The following NUBPL variants were observed in gnomAD, a reference collection of about 807,000 sequenced individuals.
NUBPL encodes iron-sulfur cluster transfer protein NUBPL.
In NUBPL, 31 loss-of-function variants were observed where a neutral mutation model predicts 45.7. The ratio of observed to expected loss-of-function variants is 0.68; its 90% CI spans 0.51 to 0.92. The LOEUF is 0.92. Among genes scored for constraint, NUBPL ranks in the 40% least tolerant of loss-of-function variants. NUBPL has a pLI of 0.00. For missense variants in NUBPL, 401 were observed against 398.7 expected (o/e 1.01, Z -0.05); for synonymous variants, 144 against 140.9 (o/e 1.02, Z -0.15).
At position 31,841,917 on chromosome 14, in the gene NUBPL, CTT is replaced by C. The variant is rs547795007; in HGVS notation, c.694-4524_694-4523del. On this transcript the variant is annotated intron_variant, in intron 8 of 10. Coordinates refer to ENST00000281081, the MANE Select transcript of NUBPL (RefSeq NM_025152.3). ...CTTTCATGTATGGGTCGATTCTGGG[CTT>C]TTTTTTTTTTTTTTTTTTTTTTTTT... Among the ~76,000 whole-genome samples, 102 of 43,048 alleles carry C rather than the reference CTT, an allele frequency of 2.4e-3. 13 individuals carry two copies. Among genetic ancestry groups the C allele is most frequent in the Admixed American group, 4.5e-3 (14 of 3,114 alleles). The allele number at this position is 43,048 out of a possible 152,430, so 28.2% of individuals were successfully genotyped here.
intron 3 of NUBPL, among the ~76,000 whole-genome samples, chr14:31,591,870 C>G (rs2034151540): frequency 6.6e-6 from 1 of 152,090 alleles, no homozygotes. Context: ...AGTTTATTTA[C>G]TTACCCATTT....
At chr14:31,596,983 T>C (rs1053169343) in intron 3 of NUBPL, among the ~76,000 whole-genome samples, 3 of 152,202 alleles carry the variant, frequency 2.0e-5, no homozygotes, top group Admixed American at 6.5e-5. Flanking sequence ...TTCTGATTTG[T>C]CCATAGGGCT....
chr14:31,652,263 G>C (rs2036027227), intron 4 of NUBPL, among the ~76,000 whole-genome samples: 2 of 152,158 alleles, frequency 1.3e-5, no homozygotes, highest in Admixed American at 1.3e-4. Context: ...CAGAGAATTA[G>C]AGAGTTGAAT....
chr14:31,774,235 T>A (rs2039059846), intron 6 of NUBPL, among the ~76,000 whole-genome samples: 1 of 152,240 alleles, frequency 6.6e-6, no homozygotes, highest in Non-Finnish European at 1.5e-5. Context: ...GCTGGGATAT[T>A]CTGCCATTGC....
chr14:31,752,652 T>A (rs1390446512), intron 6 of NUBPL, among the ~76,000 whole-genome samples: 1 of 152,218 alleles, frequency 6.6e-6, no homozygotes, highest in African/African-American at 2.4e-5. Context: ...TCTTCTGCAC[T>A]CTCCAAACTG....
chr14:31,598,040 C>T lies in NUBPL; in HGVS notation c.292-1249C>T, dbSNP rs553654601. 1.6e-4 allele frequency among the ~76,000 whole-genome samples: 25 copies of T among 152,196 alleles called. 1 individual carries two copies. The highest frequency in any genetic ancestry group is 5.1e-4 in the African/African-American group (21 of 41,550). On this transcript the variant is annotated intron_variant, in intron 3 of 10. Coordinates refer to ENST00000281081, the MANE Select transcript of NUBPL (RefSeq NM_025152.3). Reference sequence around the variant, plus strand: ...ATGCATTAAGCTTAAATTTTATATACCACCATTCTATGAAAAATCAAGTAT... The same window carrying T: ...ATGCATTAAGCTTAAATTTTATATATCACCATTCTATGAAAAATCAAGTAT...
At chr14:31,619,606 T>C (rs1322593401) in intron 4 of NUBPL, among the ~76,000 whole-genome samples, 1 of 152,212 alleles carries the variant, frequency 6.6e-6, no homozygotes. Context: ...ATGTTGAACA[T>C]TGGCCTCCAC....
chr14:31,610,934 A>G (rs549805136), intron 4 of NUBPL, among the ~76,000 whole-genome samples: 5 of 152,316 alleles, frequency 3.3e-5, no homozygotes, highest in African/African-American at 1.2e-4. Context: ...ATACCTCAAC[A>G]TAATAAACAG....
intron 3 of NUBPL, among the ~76,000 whole-genome samples, chr14:31,592,138 C>T (rs1273527409): frequency 6.6e-6 from 1 of 152,068 alleles, no homozygotes; most frequent in Non-Finnish European, 1.5e-5. Context: ...GTGTGACTAT[C>T]TGAGGGAAGA....
At chr14:31,566,226 C>T (rs574326997) in intron 3 of NUBPL, among the ~76,000 whole-genome samples, 2 of 151,978 alleles carry the variant, frequency 1.3e-5, no homozygotes, top group Admixed American at 6.6e-5. Context: ...CAGAATCTGC[C>T]AGATCCTGGA....
At chr14:31,564,533 G>A (rs982670069) in intron 2 of NUBPL, among the ~76,000 whole-genome samples, 8 of 148,216 alleles carry the variant, frequency 5.4e-5, no homozygotes, top group Admixed American at 2.7e-4. Context: ...AAAAAAATGA[G>A]CTGGGTGTGG....
At chr14:31,808,904 T>G (rs12880119) in intron 7 of NUBPL, among the ~76,000 whole-genome samples, 50,257 of 152,084 alleles carry the variant, frequency 0.33, 9,618 homozygotes, top group South Asian at 0.44. Context: ...GTTCTGTTTA[T>G]GTGATGGATT....
intron 2 of NUBPL, among the ~76,000 whole-genome samples, chr14:31,563,712 G>A (rs947443655): frequency 1.3e-5 from 2 of 152,158 alleles, no homozygotes; most frequent in Non-Finnish European, 2.9e-5. Context: ...TTTGACTAAT[G>A]CAAATATGCT....
In NUBPL at chr14:31,624,710, G is replaced by A. The variant is rs561244640; in HGVS notation, c.382+25331G>A. Among the ~76,000 whole-genome samples, 27 of 152,114 alleles carry A rather than the reference G, an allele frequency of 1.8e-4. No individual in the cohort carries two copies. The South Asian group carries it at 5.2e-3, about 29-fold the overall frequency. ...CTCCCGAGTAGCTTGGATTACAGGC[G>A]CCTGCCACCATGCCCAGCTAATTTT... On this transcript the variant is annotated intron_variant, in intron 4 of 10. Transcript: ENST00000281081.
intron 6 of NUBPL, among the ~76,000 whole-genome samples, chr14:31,769,790 T>TC (rs943287767): frequency 2.0e-5 from 3 of 152,282 alleles, no homozygotes; most frequent in African/African-American, 7.2e-5. Context: ...TATTTTTTTT[T>TC]CAGTAGTTGG....
chr14:31,781,829 C>G (rs752861163), intron 6 of NUBPL, among the ~76,000 whole-genome samples: 10 of 152,120 alleles, frequency 6.6e-5, no homozygotes, highest in Non-Finnish European at 1.5e-4. Flanking sequence ...CTACCTTTCC[C>G]TATAATTCTC....
chr14:31,649,139 A>G (rs1415058232), intron 4 of NUBPL, among the ~76,000 whole-genome samples: 2 of 152,156 alleles, frequency 1.3e-5, no homozygotes, highest in Non-Finnish European at 1.5e-5. Flanking sequence ...TCACTGTTAC[A>G]CAATACTTAG....
chr14:31,673,350 T>C lies in NUBPL; in HGVS notation c.383-5T>C, dbSNP rs1398576583. 8.8e-6 allele frequency: 14 copies of C among 1,599,832 alleles called. No homozygotes were observed. The highest frequency in any genetic ancestry group is 2.3e-5 in the South Asian group (2 of 88,750). On this transcript the variant is annotated splice_region_variant and splice_polypyrimidine_tract_variant and intron_variant, in intron 4 of 10. Coordinates refer to ENST00000281081, the MANE Select transcript of NUBPL (RefSeq NM_025152.3). ...TCTAAAAGAGAGGATTTTTTTTTTT[T>C]CCAGGCAACCTAATGAGGCCTCTCT...
chr14:31,803,299 A>G (rs76685896), intron 7 of NUBPL, among the ~76,000 whole-genome samples: 5,623 of 152,278 alleles, frequency 0.037, 344 homozygotes, highest in African/African-American at 0.13. Flanking sequence ...ATTTTTTTAA[A>G]TAACTATTTT....
Sources: gnomAD v4.1 joint callset for allele counts (sites outside exome capture counted in the v4.1 genomes callset) on GRCh38, gnomAD v4.1.1 for gene constraint, MANE v1.5 for transcripts, NCBI Gene and HGNC (gene_info 2026-07-23, HGNC 2026-07-21) for gene names.